The following IMMP2L variants were observed in gnomAD, a reference collection of about 807,000 sequenced individuals.
IMMP2L encodes the protein mitochondrial inner membrane protease subunit 2.
Under a neutral mutation model 19.3 loss-of-function variants are expected in IMMP2L, and 18 were observed. The ratio of observed to expected loss-of-function variants is 0.93; its 90% CI spans 0.64 to 1.38. The LOEUF (loss-of-function observed/expected upper bound fraction) is 1.38. Ranked by LOEUF, IMMP2L falls within the 40% of genes most tolerant of loss-of-function variation. The probability of loss-of-function intolerance (pLI) is 0.00; values close to 1 mark genes in which losing one functional copy is unlikely to be tolerated. For synonymous variants in IMMP2L, 76 were observed against 73.0 expected, an observed-to-expected ratio of 1.04 and a Z score of -0.21; for missense variants, 233 against 218.2, an observed-to-expected ratio of 1.07 and a Z score of -0.43.
At chr7:111,412,146 T>C (rs1391964543) in intron 3 of IMMP2L, among the ~76,000 whole-genome samples, 1 of 151,178 alleles carries the variant, frequency 6.6e-6, no homozygotes, top group Non-Finnish European at 1.5e-5. Context: ...CACCTAATAA[T>C]GAAGCTTCAA....
At chr7:111,311,217 G>A (rs990756309) in intron 3 of IMMP2L, among the ~76,000 whole-genome samples, 28 of 151,620 alleles carry the variant, frequency 1.8e-4, no homozygotes, top group Middle Eastern at 3.4e-3. Flanking sequence ...ATGATCACAA[G>A]GTAGATAAAC....
intron 5 of IMMP2L, among the ~76,000 whole-genome samples, chr7:110,737,751 AC>A (rs1401553322): frequency 1.3e-5 from 2 of 152,194 alleles, no homozygotes; most frequent in African/African-American, 4.8e-5. Flanking sequence ...AGGCCAACCA[AC>A]AAAAACCAGC....
At chr7:110,991,659 C>T (rs1056532670) in intron 3 of IMMP2L, among the ~76,000 whole-genome samples, 48 of 152,170 alleles carry the variant, frequency 3.2e-4, no homozygotes, top group African/African-American at 1.1e-3. Flanking sequence ...CTAGTAGACT[C>T]TGCTAATTGC....
chr7:111,501,088 G>A (rs1292167747), intron 2 of IMMP2L, among the ~76,000 whole-genome samples: 7 of 152,008 alleles, frequency 4.6e-5, no homozygotes, highest in African/African-American at 1.2e-4. Flanking sequence ...AAAATTAGAC[G>A]AATGGATACC....
rs1264908580 is a variant in IMMP2L at position 111,556,040 on chromosome 7, A to ATATATATATATATG, written c.-3+5810_-3+5811insCATATATATATATA. Among the ~76,000 whole-genome samples the ATATATATATATATG allele has an allele frequency of 2.9e-4, 41 of 139,356 alleles. 3 individuals carry two copies. The highest frequency in any genetic ancestry group is 6.0e-4 in the Non-Finnish European group (38 of 63,770). The allele number at this position is 139,356 out of a possible 152,430, so 91.4% of individuals were successfully genotyped here. A position where few individuals can be genotyped will look rare whatever the true frequency, so the allele number is the denominator to read the frequency against. On this transcript the variant is annotated intron_variant, in intron 1 of 5. Transcript: ENST00000405709. ...CATGTATATATATATATATATACAT[A>ATATATATATATATG]CCCAAAGAAAATGAAACCGCAACCT...
chr7:111,126,694 A>T (rs214863), intron 3 of IMMP2L, among the ~76,000 whole-genome samples: 3 of 152,102 alleles, frequency 2.0e-5, no homozygotes, highest in African/African-American at 7.2e-5. Context: ...TGAGGATTTC[A>T]GTCATTTTTA....
intron 5 of IMMP2L, among the ~76,000 whole-genome samples, chr7:110,796,277 T>C (rs1041091623): frequency 2.8e-4 from 43 of 152,050 alleles, no homozygotes; most frequent in Non-Finnish European, 4.9e-4. Context: ...CAGATGGACT[T>C]AGAACTCATC....
chr7:110,933,634 C>T (rs1030824905), intron 4 of IMMP2L, among the ~76,000 whole-genome samples: 1 of 152,176 alleles, frequency 6.6e-6, no homozygotes, highest in African/African-American at 2.4e-5. Context: ...CTATTCCAGG[C>T]TGTATAGGCT....
At chr7:111,202,382 G>A (rs181438049) in intron 3 of IMMP2L, among the ~76,000 whole-genome samples, 19 of 152,242 alleles carry the variant, frequency 1.2e-4, no homozygotes, top group African/African-American at 3.9e-4. Context: ...CTGTACTCAC[G>A]CACTCATAGC....
At chr7:111,313,006 G>A (rs1823678201) in intron 3 of IMMP2L, among the ~76,000 whole-genome samples, 1 of 152,114 alleles carries the variant, frequency 6.6e-6, no homozygotes, top group Non-Finnish European at 1.5e-5. Context: ...AAGTGAGGGT[G>A]CTACCCCACT....
intron 3 of IMMP2L, among the ~76,000 whole-genome samples, chr7:111,231,207 G>A (rs1054602170): frequency 6.6e-6 from 1 of 152,034 alleles, no homozygotes; most frequent in African/African-American, 2.4e-5. Context: ...TTTCTCAAAT[G>A]CAGGAGGTAA....
At chr7:111,036,045 T>C (rs1791314324) in intron 3 of IMMP2L, among the ~76,000 whole-genome samples, 2 of 152,194 alleles carry the variant, frequency 1.3e-5, no homozygotes, top group South Asian at 4.1e-4. Flanking sequence ...CTATAACTTT[T>C]AGTCATTATT....
chr7:111,430,514 GATAA>G (rs1836520685), intron 3 of IMMP2L, among the ~76,000 whole-genome samples: 1 of 151,530 alleles, frequency 6.6e-6, no homozygotes, highest in South Asian at 2.1e-4. Flanking sequence ...CCTAAAAAGA[GATAA>G]ATAATTATAA....
chr7:111,426,460 C>A (rs1424380926), intron 3 of IMMP2L, among the ~76,000 whole-genome samples: 2 of 151,006 alleles, frequency 1.3e-5, no homozygotes, highest in Non-Finnish European at 3.0e-5. Flanking sequence ...GGAAACAATT[C>A]TCTAAAGTCT....
chr7:110,778,724 C>T lies in IMMP2L; in HGVS notation c.408+107869G>A, dbSNP rs542535087. ...TAAGCAGAGGATAGAAACACAGGTG[C>T]TTTAAGAACCATCATTTTAGATATG... On this transcript the variant is annotated intron_variant, in intron 5 of 5. Transcript: ENST00000405709. 1.8e-4 allele frequency among the ~76,000 whole-genome samples: 27 copies of T among 151,952 alleles called. No individual in the cohort carries two copies. In the South Asian group the frequency reaches 5.6e-3, roughly 32 times the overall value.
intron 4 of IMMP2L, among the ~76,000 whole-genome samples, chr7:110,917,424 A>T (rs1006716461): frequency 6.6e-6 from 1 of 152,172 alleles, no homozygotes; most frequent in African/African-American, 2.4e-5. Flanking sequence ...CACCCACTGA[A>T]CACTATCTGC....
At chr7:110,911,042 G>C (rs1472745095) in intron 4 of IMMP2L, among the ~76,000 whole-genome samples, 1 of 152,054 alleles carries the variant, frequency 6.6e-6, no homozygotes, top group Non-Finnish European at 1.5e-5. Context: ...TATATGTGAA[G>C]CATATTTACA....
At position 111,123,764 on chromosome 7, in the gene IMMP2L, T is replaced by G; in HGVS notation, c.240-160199A>C. 1 of 1,613,984 alleles carries G rather than the reference T, an allele frequency of 6.2e-7. No individual in the cohort carries two copies. The highest frequency in any genetic ancestry group is 8.5e-7 in the Non-Finnish European group (1 of 1,179,966). ...TCTTACATTCACCCCAATGCATTTTTCAGACTCCCCAAGCTGGAATCACTC... is the reference window on the plus strand; with the variant it reads ...TCTTACATTCACCCCAATGCATTTTGCAGACTCCCCAAGCTGGAATCACTC... On this transcript the variant is annotated intron_variant, in intron 3 of 5. Transcript: ENST00000405709. The surrounding 1 kb of genome is among the most constrained non-coding windows in gnomAD (Gnocchi z 6.4).
At chr7:111,281,554 C>G (rs183789160) in intron 3 of IMMP2L, among the ~76,000 whole-genome samples, 28 of 152,240 alleles carry the variant, frequency 1.8e-4, no homozygotes, top group Admixed American at 5.9e-4. Flanking sequence ...AAGTACCCAA[C>G]AGAGACACTT....
Sources: allele counts gnomAD v4.1 joint callset (sites outside exome capture counted in the v4.1 genomes callset), GRCh38; gene constraint gnomAD v4.1.1; non-coding constraint Gnocchi (gnomAD v3.1); transcripts MANE v1.5; gene names NCBI Gene and HGNC (gene_info 2026-07-23, HGNC 2026-07-21).